Variants in NBEA observed in about 807,000 individuals in gnomAD.
The protein encoded by NBEA is lysosomal-trafficking regulator 2.
NBEA carries 44 observed loss-of-function variants against 343.4 expected under a neutral mutation model. The ratio of observed to expected loss-of-function variants is 0.13; its 90% CI spans 0.10 to 0.16. The LOEUF (loss-of-function observed/expected upper bound fraction) is 0.16, where lower values mean the gene tolerates loss of function less well. Among genes scored for constraint, NBEA ranks in the 10% least tolerant of loss-of-function variants. The pLI, the probability that NBEA is intolerant of heterozygous loss-of-function variation, is 1.00. For synonymous variants in NBEA, 1,175 were observed against 1,238.7 expected, an observed-to-expected ratio of 0.95 and a Z score of 1.08; for missense variants, 2,555 against 3,631.3, an observed-to-expected ratio of 0.70 and a Z score of 7.62.
chr13:35,222,052 A>G (rs548094116), intron 33 of NBEA, among the ~76,000 whole-genome samples: 5 of 152,306 alleles, frequency 3.3e-5, no homozygotes, highest in African/African-American at 1.2e-4. Flanking sequence ...CTATTACTAA[A>G]GGTAGAAATC....
At chr13:35,579,418 A>G (rs1303393947) in intron 45 of NBEA, among the ~76,000 whole-genome samples, 3 of 152,098 alleles carry the variant, frequency 2.0e-5, no homozygotes, top group South Asian at 2.1e-4. Context: ...CTAAATTTAT[A>G]TATTTTATAC....
intron 38 of NBEA, among the ~76,000 whole-genome samples, chr13:35,399,559 G>A (rs534831371): frequency 2.0e-5 from 3 of 152,148 alleles, no homozygotes; most frequent in Middle Eastern, 3.4e-3. Flanking sequence ...TCCCTCCCTC[G>A]GCACATGGGG....
chr13:35,407,446 T>C (rs1413662418), intron 38 of NBEA, among the ~76,000 whole-genome samples: 1 of 143,226 alleles, frequency 7.0e-6, no homozygotes, highest in East Asian at 2.1e-4. Context: ...TAAAATAAAA[T>C]AAAGCCCAGA....
chr13:35,182,444 T>C lies in NBEA; in HGVS notation c.4747T>C (p.Leu1583=). The change falls in exon 29 of 59, where the codon TTA becomes CTA. Residue 1583 remains leucine, a synonymous_variant. Coordinates refer to ENST00000379939, the MANE Select transcript of NBEA (RefSeq NM_001385012.1). ...VLMVSKYRDI[L]EPQRETTRTG... ...GATGGTTTCCAAGTATCGTGACATA[T>C]TAGAACCCCAGAGAGAGACTACAAG... 6.2e-7 allele frequency: 1 copy of C among 1,610,746 alleles called. No individual in the cohort carries two copies. Among genetic ancestry groups the C allele is most frequent in the Non-Finnish European group, 8.5e-7 (1 of 1,177,830 alleles).
intron 38 of NBEA, among the ~76,000 whole-genome samples, chr13:35,402,982 C>T (rs1245557741): frequency 4.6e-5 from 7 of 152,004 alleles, no homozygotes; most frequent in Admixed American, 4.6e-4. Flanking sequence ...AGTTTCATAA[C>T]TACTTCCACC....
At chr13:35,446,114 G>A (rs1045906405) in intron 39 of NBEA, among the ~76,000 whole-genome samples, 1 of 151,760 alleles carries the variant, frequency 6.6e-6, no homozygotes, top group African/African-American at 2.4e-5. Context: ...ATGGTTTCCG[G>A]CTTCATCCAT....
intron 38 of NBEA, among the ~76,000 whole-genome samples, chr13:35,352,606 C>T (rs1310366301): frequency 2.0e-5 from 3 of 151,984 alleles, no homozygotes; most frequent in Non-Finnish European, 4.4e-5. Context: ...TACTGTCTCT[C>T]ATATGTAACA....
Position 34,982,299 on chromosome 13 carries a change from T to C in NBEA, c.294+39185T>C, listed in dbSNP as rs555388848. Among the ~76,000 whole-genome samples, 5 of 151,562 alleles carry C rather than the reference T, an allele frequency of 3.3e-5. No individual in the cohort carries two copies. In the Admixed American group the frequency reaches 3.3e-4, roughly 10 times the overall value. On this transcript the variant is annotated intron_variant, in intron 1 of 58. Coordinates refer to ENST00000379939, the MANE Select transcript of NBEA (RefSeq NM_001385012.1). The stretch of plus-strand genomic sequence containing the variant: ...GGCATTTCTAAAGATTTTGTTGTTA[T>C]TGATTTTTTTTTTTGAGATGAAGTC...
chr13:35,240,442 C>T (rs553769744), intron 34 of NBEA, among the ~76,000 whole-genome samples: 1 of 151,722 alleles, frequency 6.6e-6, no homozygotes, highest in Non-Finnish European at 1.5e-5. Flanking sequence ...GGAAAAATAC[C>T]ATCACCTATC....
chr13:35,510,722 T>C (rs1202589467), intron 41 of NBEA, among the ~76,000 whole-genome samples: 1 of 152,178 alleles, frequency 6.6e-6, no homozygotes, highest in African/African-American at 2.4e-5. Context: ...TACCAAACAT[T>C]ATGCTAGAAA....
intron 38 of NBEA, among the ~76,000 whole-genome samples, chr13:35,378,125 G>T (rs976342155): frequency 6.6e-6 from 1 of 152,160 alleles, no homozygotes; most frequent in African/African-American, 2.4e-5. Context: ...ATACTTACGT[G>T]TATGTATGTG....
intron 47 of NBEA, among the ~76,000 whole-genome samples, chr13:35,597,671 G>T (rs1018052244): frequency 3.9e-5 from 6 of 152,128 alleles, no homozygotes; most frequent in Non-Finnish European, 7.3e-5. Context: ...TCACACGCAG[G>T]CAGGTAAAGA....
At chr13:35,589,148 G>A (rs1315808088) in intron 46 of NBEA, among the ~76,000 whole-genome samples, 1 of 152,066 alleles carries the variant, frequency 6.6e-6, no homozygotes, top group Non-Finnish European at 1.5e-5. Context: ...AGAGCCTAGT[G>A]CATGGTAGGT....
intron 41 of NBEA, among the ~76,000 whole-genome samples, chr13:35,488,490 A>T (rs751762460): frequency 6.6e-6 from 1 of 151,908 alleles, no homozygotes; most frequent in African/African-American, 2.4e-5. Flanking sequence ...TAAATTTTGT[A>T]TCTACAAATG....
intron 36 of NBEA, among the ~76,000 whole-genome samples, chr13:35,316,261 C>T (rs2037707918): frequency 6.6e-6 from 1 of 151,920 alleles, no homozygotes; most frequent in South Asian, 2.1e-4. Context: ...CTCCCCTAGT[C>T]CTCCACCCCC....
In NBEA at chr13:35,585,131, T is replaced by TA. The variant is rs775053482; in HGVS notation, c.7176+1104dup. ...AAATATATTTAAGTCTCACTGACCTTAAAAAAAAAAAGCCTCCTGCCAGCC... is the reference window on the plus strand; with the variant it reads ...AAATATATTTAAGTCTCACTGACCTTAAAAAAAAAAAAGCCTCCTGCCAGCC... On this transcript the variant is annotated intron_variant, in intron 46 of 58. Coordinates refer to ENST00000379939, the MANE Select transcript of NBEA (RefSeq NM_001385012.1). Among the ~76,000 whole-genome samples, 76 of 71,448 alleles carry TA rather than the reference T, an allele frequency of 1.1e-3. 2 individuals are homozygous for TA. The highest frequency in any genetic ancestry group is 4.2e-3 in the African/African-American group (69 of 16,600). 46.9% of individuals were successfully genotyped at this position (71,448 alleles called of 152,430 possible). A position where few individuals can be genotyped will look rare whatever the true frequency, so the allele number is the denominator to read the frequency against.
intron 1 of NBEA, among the ~76,000 whole-genome samples, chr13:35,002,281 TACTC>T (rs1455374799): frequency 1.3e-5 from 2 of 152,194 alleles, no homozygotes; most frequent in African/African-American, 4.8e-5. Flanking sequence ...TTCTCTGACA[TACTC>T]AATAAGGTTT....
chr13:34,995,435 AAG>A (rs1555270500), intron 1 of NBEA, among the ~76,000 whole-genome samples: 2 of 151,726 alleles, frequency 1.3e-5, no homozygotes, highest in Non-Finnish European at 2.9e-5. Flanking sequence ...AAAAAAAAAA[AAG>A]AAAAACTTTA....
At chr13:35,462,847 A>G (rs2046983231) in intron 40 of NBEA, among the ~76,000 whole-genome samples, 1 of 152,178 alleles carries the variant, frequency 6.6e-6, no homozygotes, top group Admixed American at 6.5e-5. Context: ...GCAGGGAGTA[A>G]GAATGAGGGG....
Sources: allele counts gnomAD v4.1 joint callset (sites outside exome capture counted in the v4.1 genomes callset), GRCh38; gene constraint gnomAD v4.1.1; transcripts MANE v1.5; gene names NCBI Gene and HGNC (gene_info 2026-07-23, HGNC 2026-07-21).